The following GSE1 variants were observed in gnomAD, a reference collection of about 807,000 sequenced individuals.
The protein encoded by GSE1 is Gse1 coiled-coil protein.
In GSE1, 32 loss-of-function variants were observed where a neutral mutation model predicts 112.6. The observed-to-expected ratio is 0.28, with a 90% CI of 0.21 to 0.38. The LOEUF is 0.38. Among genes scored for constraint, GSE1 ranks in the 10% least tolerant of loss-of-function variants. GSE1 has a pLI of 1.00. For synonymous variants in GSE1, 1,115 were observed against 735.6 expected, an observed-to-expected ratio of 1.52 and a Z score of -8.35; for missense variants, 2,348 against 1,699.2, an observed-to-expected ratio of 1.38 and a Z score of -6.71.
chr16:85,237,853 A>G (rs1904825265), intron 1 of GSE1, among the ~76,000 whole-genome samples: 3 of 150,752 alleles, frequency 2.0e-5, no homozygotes, highest in African/African-American at 7.3e-5. Flanking sequence ...AAAAAAAAGA[A>G]AAAAAAAAAG....
chr16:85,530,854 T>C (rs1567564698), intron 2 of GSE1, among the ~76,000 whole-genome samples: 2 of 152,178 alleles, frequency 1.3e-5, no homozygotes. Flanking sequence ...GAGGCCCAAG[T>C]GAGGAGGATT....
intron 13 of GSE1, 85 bp downstream of exon 13, chr16:85,666,432 T>G: frequency 1.5e-6 from 2 of 1,361,368 alleles, no homozygotes; most frequent in East Asian, 2.3e-5. Flanking sequence ...GCTCAGCCGT[T>G]CAGCCGTGGG....
At chr16:85,193,451 T>TC (rs60750056) in intron 1 of GSE1, among the ~76,000 whole-genome samples, 1 of 150,714 alleles carries the variant, frequency 6.6e-6, no homozygotes, top group Non-Finnish European at 1.5e-5. Context: ...ACCTGCTTCT[T>TC]TTTTTTGTTT....
At chr16:85,336,667 T>A (rs1363429645) in intron 1 of GSE1, among the ~76,000 whole-genome samples, 1 of 151,790 alleles carries the variant, frequency 6.6e-6, no homozygotes, top group East Asian at 1.9e-4. Flanking sequence ...AGTGGTGTGA[T>A]CTTTGCTCAC....
At chr16:85,543,904 C>G (rs2044610491) in intron 2 of GSE1, among the ~76,000 whole-genome samples, 2 of 152,182 alleles carry the variant, frequency 1.3e-5, no homozygotes, top group Non-Finnish European at 2.9e-5. Flanking sequence ...GTGGCATGAT[C>G]TCAGCTCACT....
At chr16:85,611,410 C>T (rs563224376), upstream of GSE1, 224 of 959,464 alleles carry the variant, frequency 2.3e-4, no homozygotes, top group African/African-American at 2.4e-3. Flanking sequence ...GGCCGAGCCA[C>T]CGTGTGGTGC....
At position 85,484,877 on chromosome 16, in the gene GSE1, C is replaced by T. The variant is rs541243150; in HGVS notation, c.2464+127234C>T. Among the ~76,000 whole-genome samples the T allele has an allele frequency of 5.2e-4, 79 of 152,216 alleles. 1 individual carries two copies. The highest frequency in any genetic ancestry group is 1.2e-3 in the Admixed American group (19 of 15,284). On this transcript the variant is annotated intron_variant, in intron 2 of 2. Transcript: ENST00000637419. ...TCCAGTTCACGGTCTTTGGCCTCCA[C>T]TGTGATGGCCATGTGGGTGCTGCCT...
chr16:85,605,068 C>T (rs1452937055), intron 1 of GSE1, among the ~76,000 whole-genome samples: 7 of 150,828 alleles, frequency 4.6e-5, no homozygotes, highest in African/African-American at 9.8e-5. Context: ...CCGTCCGCCT[C>T]GGCCTCCCAA....
chr16:85,666,286 T>C lies in GSE1; in HGVS notation c.3069T>C (p.Phe1023=). Residue 1023 remains phenylalanine, a synonymous_variant, in exon 13 of 16, where the codon TTT becomes TTC. Transcript: ENST00000253458. ...KPWEPFVAEE[F]AHQFHESVLQ... The stretch of plus-strand genomic sequence containing the variant: ...GGGAGCCCTTTGTGGCAGAAGAGTT[T>C]GCACATCAGTTCCACGAGTCAGTGC... 1 of 1,613,896 alleles carries C rather than the reference T, an allele frequency of 6.2e-7. No homozygotes were observed. Among genetic ancestry groups the C allele is most frequent in the Non-Finnish European group, 8.5e-7 (1 of 1,180,030 alleles).
At chr16:85,191,946 A>G (rs2143453635) in intron 1 of GSE1, among the ~76,000 whole-genome samples, 1 of 152,280 alleles carries the variant, frequency 6.6e-6, no homozygotes, top group African/African-American at 2.4e-5. Context: ...GCGTGTGCAG[A>G]GGGGCAGGGC....
chr16:85,258,529 C>T (rs1907322807), intron 1 of GSE1, among the ~76,000 whole-genome samples: 1 of 152,236 alleles, frequency 6.6e-6, no homozygotes, highest in Non-Finnish European at 1.5e-5. Context: ...GGCCACTGCT[C>T]CTGCCACCCC....
intron 1 of GSE1, among the ~76,000 whole-genome samples, chr16:85,341,876 A>G (rs1368052779): frequency 6.6e-6 from 1 of 152,040 alleles, no homozygotes; most frequent in Non-Finnish European, 1.5e-5. Flanking sequence ...GGTGATGGCT[A>G]GGGTTGGATC....
intron 1 of GSE1, among the ~76,000 whole-genome samples, chr16:85,315,906 G>C (rs1176872980): frequency 6.6e-6 from 1 of 151,816 alleles, no homozygotes; most frequent in Non-Finnish European, 1.5e-5. Context: ...TCCCACGCCA[G>C]AGCACGGTGA....
intron 1 of GSE1, among the ~76,000 whole-genome samples, chr16:85,243,670 G>T (rs1417668039): frequency 1.3e-5 from 2 of 152,204 alleles, no homozygotes; most frequent in Non-Finnish European, 2.9e-5. Flanking sequence ...TGTCTGGTGC[G>T]CCGTGGTTTG....
chr16:85,626,987 G>A (rs1186130730), intron 1 of GSE1, among the ~76,000 whole-genome samples: 4 of 144,214 alleles, frequency 2.8e-5, no homozygotes, highest in African/African-American at 1.0e-4. Context: ...ATAGCAGCTC[G>A]CTGGGCCAGC....
intron 1 of GSE1, among the ~76,000 whole-genome samples, chr16:85,619,270 G>A (rs373651215): frequency 8.5e-5 from 13 of 152,288 alleles, no homozygotes; most frequent in South Asian, 6.2e-4. Flanking sequence ...CCCTTCCTGC[G>A]CTCGGATGGT....
At chr16:85,500,449 G>A (rs955675372) in intron 2 of GSE1, among the ~76,000 whole-genome samples, 2 of 152,252 alleles carry the variant, frequency 1.3e-5, no homozygotes, top group Non-Finnish European at 2.9e-5. Context: ...CCACTGACAT[G>A]TGCACAGCCC....
intron 1 of GSE1, among the ~76,000 whole-genome samples, chr16:85,224,138 C>T (rs558970400): frequency 7.3e-4 from 111 of 151,748 alleles, no homozygotes; most frequent in Non-Finnish European, 1.4e-3. Flanking sequence ...AAGTGTTGTC[C>T]GGTTCCTGTG....
At chr16:85,183,808 G>A (rs925316401) in intron 1 of GSE1, among the ~76,000 whole-genome samples, 3 of 152,188 alleles carry the variant, frequency 2.0e-5, no homozygotes, top group Non-Finnish European at 4.4e-5. Flanking sequence ...GGTCAGAGCT[G>A]GGGAGCAGCA....
Sources: gnomAD v4.1 joint callset for allele counts (sites outside exome capture counted in the v4.1 genomes callset) on GRCh38, gnomAD v4.1.1 for gene constraint, MANE v1.5 for transcripts, NCBI Gene and HGNC (gene_info 2026-07-23, HGNC 2026-07-21) for gene names.